TMC1: variants seen among roughly 807,000 people sequenced by gnomAD.
The protein encoded by TMC1 is transmembrane channel like 1, also known as transmembrane channel-like protein 1.
Under a neutral mutation model 105.8 loss-of-function variants are expected in TMC1, and 84 were observed. The observed-to-expected ratio is 0.79, with a 90% confidence interval of 0.67 to 0.95. The LOEUF (loss-of-function observed/expected upper bound fraction) is 0.95. Among genes scored for constraint, TMC1 ranks in the 40% least tolerant of loss-of-function variants. The probability of loss-of-function intolerance (pLI) is 0.00; values close to 1 mark genes in which losing one functional copy is unlikely to be tolerated. For missense variants in TMC1, 817 were observed against 914.1 expected, an observed-to-expected ratio of 0.89 and a Z score of 1.37; for synonymous variants, 315 against 311.5, an observed-to-expected ratio of 1.01 and a Z score of -0.12.
At chr9:72,797,868 G>T (rs1828399513) in intron 17 of TMC1, among the ~76,000 whole-genome samples, 1 of 152,104 alleles carries the variant, frequency 6.6e-6, no homozygotes, top group Non-Finnish European at 1.5e-5. Flanking sequence ...ATTAACAAAT[G>T]GGATCTAACT....
At chr9:72,783,208 G>A (rs954341926) in intron 13 of TMC1, among the ~76,000 whole-genome samples, 1 of 152,014 alleles carries the variant, frequency 6.6e-6, no homozygotes, top group Non-Finnish European at 1.5e-5. Context: ...TGATCACAAG[G>A]TGAAGTTTCG....
chr9:72,655,955 A>G, intron 5 of TMC1: 2 of 806,994 alleles, frequency 2.5e-6, no homozygotes, highest in South Asian at 1.3e-5. Flanking sequence ...TCATCTGGAA[A>G]TGATCCCATG....
chr9:72,685,161 C>T (rs572620980), intron 5 of TMC1, among the ~76,000 whole-genome samples: 26 of 130,602 alleles, frequency 2.0e-4, no homozygotes, highest in African/African-American at 7.6e-4. Flanking sequence ...GGCCAGAGTG[C>T]AGTGGCGCTA....
chr9:72,812,073 A>G (rs2501916), intron 18 of TMC1, among the ~76,000 whole-genome samples: 118,568 of 152,116 alleles, frequency 0.78, 47,397 homozygotes, highest in African/African-American at 0.95. Context: ...CATCAACCAA[A>G]TTTCCATCAT....
At chr9:72,600,933 C>T (rs184639182) in intron 2 of TMC1, among the ~76,000 whole-genome samples, 145 of 152,254 alleles carry the variant, frequency 9.5e-4, no homozygotes, top group Non-Finnish European at 1.7e-3. Flanking sequence ...GCTGAGGCTG[C>T]TGGTCCAGGG....
intron 8 of TMC1, among the ~76,000 whole-genome samples, chr9:72,735,829 C>G (rs903794673): frequency 4.6e-5 from 7 of 152,238 alleles, no homozygotes; most frequent in Non-Finnish European, 1.0e-4. Flanking sequence ...AGAATCTCTT[C>G]TTGCTAAACA....
At chr9:72,791,213 C>T (rs1397324621) in intron 15 of TMC1, among the ~76,000 whole-genome samples, 2 of 152,082 alleles carry the variant, frequency 1.3e-5, no homozygotes, top group East Asian at 1.9e-4. Context: ...CCTCTCCCCA[C>T]CCCTGCATTA....
At chr9:72,789,909 T>C (rs1828238058) in intron 15 of TMC1, among the ~76,000 whole-genome samples, 1 of 152,220 alleles carries the variant, frequency 6.6e-6, no homozygotes, top group South Asian at 2.1e-4. Flanking sequence ...GTCCTGTACC[T>C]TACTTTCTCT....
chr9:72,686,092 C>T (rs1317765417), intron 5 of TMC1, among the ~76,000 whole-genome samples: 1 of 152,154 alleles, frequency 6.6e-6, no homozygotes, highest in African/African-American at 2.4e-5. Flanking sequence ...ATCTGGGTTG[C>T]CTAGGAGTTC....
At chr9:72,646,901 G>T (rs1049924953) in intron 4 of TMC1, among the ~76,000 whole-genome samples, 1 of 151,872 alleles carries the variant, frequency 6.6e-6, no homozygotes, top group African/African-American at 2.4e-5. Context: ...TCCCACTCTG[G>T]GAGGCTGAGG....
chr9:72,655,855 C>T, intron 5 of TMC1: 1 of 757,666 alleles, frequency 1.3e-6, no homozygotes, highest in East Asian at 2.4e-5. Context: ...ATGGTGACTT[C>T]CATCTCAACT....
intron 1 of TMC1, among the ~76,000 whole-genome samples, chr9:72,577,568 T>G (rs1824404937): frequency 6.6e-6 from 1 of 152,232 alleles, no homozygotes; most frequent in Admixed American, 6.5e-5. Context: ...AGCTAACCTT[T>G]AGGCCAAAAG....
At chr9:72,744,996 G>A (rs1246254736) in intron 10 of TMC1, among the ~76,000 whole-genome samples, 1 of 152,082 alleles carries the variant, frequency 6.6e-6, no homozygotes, top group Non-Finnish European at 1.5e-5. Flanking sequence ...AGTAAATTTG[G>A]AAAGCCACGC....
At chr9:72,734,040 G>T (rs1390296326) in intron 8 of TMC1, among the ~76,000 whole-genome samples, 1 of 152,156 alleles carries the variant, frequency 6.6e-6, no homozygotes, top group East Asian at 1.9e-4. Context: ...AACCCAGAGG[G>T]CTACTAACAG....
intron 2 of TMC1, among the ~76,000 whole-genome samples, chr9:72,601,355 A>C (rs1044119836): frequency 6.6e-6 from 1 of 151,700 alleles, no homozygotes; most frequent in Non-Finnish European, 1.5e-5. Context: ...AAAATATTTG[A>C]AAAATTGGCC....
chr9:72,762,811 T>C (rs1175507774), intron 12 of TMC1, among the ~76,000 whole-genome samples: 1 of 152,204 alleles, frequency 6.6e-6, no homozygotes, highest in Non-Finnish European at 1.5e-5. Context: ...CAAAGGGCTC[T>C]GTCCCTTATT....
At chr9:72,762,193 A>G (rs779065690) in intron 12 of TMC1, among the ~76,000 whole-genome samples, 1 of 152,180 alleles carries the variant, frequency 6.6e-6, no homozygotes, top group Non-Finnish European at 1.5e-5. Context: ...TAAACAAAGT[A>G]TGTCCATTAG....
intron 13 of TMC1, among the ~76,000 whole-genome samples, chr9:72,787,006 C>CT (rs1588082921): frequency 1.3e-5 from 2 of 149,416 alleles, no homozygotes; most frequent in African/African-American, 4.9e-5. Context: ...GCTTTCAACC[C>CT]TTTTGGCCTC....
At chr9:72,805,882 A>T (rs1828567236) in intron 18 of TMC1, among the ~76,000 whole-genome samples, 2 of 152,166 alleles carry the variant, frequency 1.3e-5, no homozygotes, top group Admixed American at 1.3e-4. Context: ...GATCAACAGG[A>T]TCCCACGGCA....
Sources: allele counts gnomAD v4.1 joint callset (sites outside exome capture counted in the v4.1 genomes callset), GRCh38; gene constraint gnomAD v4.1.1; transcripts MANE v1.5; gene names NCBI Gene and HGNC (gene_info 2026-07-23, HGNC 2026-07-21).